The following KCNMA1 variants were observed in gnomAD, a reference collection of about 807,000 sequenced individuals.
KCNMA1 encodes the protein Calcium-activated potassium channel subunit alpha-1.
In KCNMA1, 29 loss-of-function variants were observed where a neutral mutation model predicts 140.0. That is an observed-to-expected ratio of 0.21 (90% CI 0.15 to 0.28). The LOEUF (loss-of-function observed/expected upper bound fraction) is 0.28, where lower values mean the gene tolerates loss of function less well. Ranked by LOEUF, KCNMA1 falls within the 10% of genes least tolerant of loss-of-function variation. The probability of loss-of-function intolerance (pLI) is 1.00; values close to 1 mark genes in which losing one functional copy is unlikely to be tolerated. For synonymous variants in KCNMA1, 612 were observed against 611.9 expected (o/e 1.00, Z 0.00); for missense variants, 880 against 1,602.2 (o/e 0.55, Z 7.70).
chr10:77,409,522 C>G (rs940623586), intron 1 of KCNMA1, among the ~76,000 whole-genome samples: 1 of 152,202 alleles, frequency 6.6e-6, no homozygotes, highest in Non-Finnish European at 1.5e-5. Flanking sequence ...GCTGCCCCAG[C>G]CTGGAACCTG....
chr10:77,223,131 A>G (rs1003523609), intron 3 of KCNMA1, among the ~76,000 whole-genome samples: 1 of 151,992 alleles, frequency 6.6e-6, no homozygotes, highest in African/African-American at 2.4e-5. Context: ...CGGGAGGCTG[A>G]GGCAGGAGAA....
rs1369080430 is a variant in KCNMA1, at chr10:77,108,765, A to G, written c.1132-193T>C. Among the ~76,000 whole-genome samples the G allele has an allele frequency of 1.3e-5, 2 of 152,196 alleles. No individual in the cohort carries two copies. Among genetic ancestry groups the G allele is most frequent in the Non-Finnish European group, 2.9e-5 (2 of 68,020 alleles). On this transcript the variant is annotated intron_variant, in intron 8 of 27. Transcript: ENST00000286628. This position sits in a 1 kb window ranked among gnomAD's most constrained non-coding sequence, Gnocchi z 4.6. The stretch of plus-strand genomic sequence containing the variant: ...GCTCCCAGAAATACACAAGACAAAC[A>G]AACATTGGCCACCTTGACAACTAAA...
At chr10:77,596,198 C>T (rs1052262298) in intron 1 of KCNMA1, among the ~76,000 whole-genome samples, 2 of 152,028 alleles carry the variant, frequency 1.3e-5, no homozygotes, top group South Asian at 2.1e-4. Flanking sequence ...CTCGAATTGC[C>T]GAAGAAGCAG....
rs530638648 is a variant in KCNMA1 at position 77,573,672 on chromosome 10, A to G, written c.378+63593T>C. ...AGAATAGAATAGAATAGAATAGAAT[A>G]GAATAGAATAGAATAGAATAGAATA... On this transcript the variant is annotated intron_variant, in intron 1 of 27. Coordinates refer to ENST00000286628, the MANE Select transcript of KCNMA1 (RefSeq NM_001161352.2). Among the ~76,000 whole-genome samples the G allele has an allele frequency of 4.5e-3, 594 of 131,242 alleles. 3 individuals carry two copies. The highest frequency in any genetic ancestry group is 6.4e-3 in the South Asian group (24 of 3,750). The allele number at this position is 131,242 out of a possible 152,430, so 86.1% of individuals were successfully genotyped here. A position where few individuals can be genotyped will look rare whatever the true frequency, so the allele number is the denominator to read the frequency against.
At chr10:76,922,133 C>T (rs2056071775) in intron 23 of KCNMA1, among the ~76,000 whole-genome samples, 1 of 152,206 alleles carries the variant, frequency 6.6e-6, no homozygotes, top group South Asian at 2.1e-4. Flanking sequence ...ACAGATAATT[C>T]TGTGACTCCT....
intron 1 of KCNMA1, among the ~76,000 whole-genome samples, chr10:77,448,133 G>T (rs561584492): frequency 6.6e-6 from 1 of 152,122 alleles, no homozygotes; most frequent in South Asian, 2.1e-4. Flanking sequence ...TCATAAAGGG[G>T]TGAAAAGACC....
At chr10:77,472,914 T>C (rs1045658540) in intron 1 of KCNMA1, among the ~76,000 whole-genome samples, 1 of 152,196 alleles carries the variant, frequency 6.6e-6, no homozygotes, top group Non-Finnish European at 1.5e-5. Flanking sequence ...TACTCTATGC[T>C]GTCTGACATT....
chr10:77,448,255 C>G (rs2154518078), intron 1 of KCNMA1, among the ~76,000 whole-genome samples: 1 of 152,322 alleles, frequency 6.6e-6, no homozygotes, highest in South Asian at 2.1e-4. Context: ...GGAGAGGTCA[C>G]AGCCTTGTGA....
intron 3 of KCNMA1, among the ~76,000 whole-genome samples, chr10:77,198,833 C>T (rs2041559038): frequency 6.6e-6 from 1 of 152,120 alleles, no homozygotes; most frequent in Non-Finnish European, 1.5e-5. Flanking sequence ...ATTCCTGCCT[C>T]CTAGTTCTGA....
At chr10:77,341,689 G>A (rs1315909433) in intron 2 of KCNMA1, among the ~76,000 whole-genome samples, 1 of 152,210 alleles carries the variant, frequency 6.6e-6, no homozygotes, top group Non-Finnish European at 1.5e-5. Flanking sequence ...GGCTGGTGAA[G>A]GGGGTAGTGA....
intron 5 of KCNMA1, among the ~76,000 whole-genome samples, chr10:77,164,526 T>C (rs1482068534): frequency 1.3e-5 from 2 of 152,054 alleles, no homozygotes; most frequent in Non-Finnish European, 2.9e-5. Context: ...ATCTTTCTTT[T>C]TTTTTTTTGG....
chr10:77,281,997 G>A (rs1334618932), intron 2 of KCNMA1, among the ~76,000 whole-genome samples: 1 of 152,148 alleles, frequency 6.6e-6, no homozygotes, highest in Non-Finnish European at 1.5e-5. Flanking sequence ...GGAGACCTCA[G>A]TTTGGGTTAA....
At chr10:77,506,570 CTAGAGA>C (rs1389171844) in intron 1 of KCNMA1, among the ~76,000 whole-genome samples, 1 of 63,628 alleles carries the variant, frequency 1.6e-5, no homozygotes, top group Non-Finnish European at 2.7e-5. Flanking sequence ...AGAGATGTTC[CTAGAGA>C]GAGAGAGAGA....
chr10:76,880,467 G>C (rs2034176762), downstream of KCNMA1, among the ~76,000 whole-genome samples: 1 of 152,040 alleles, frequency 6.6e-6, no homozygotes, highest in Non-Finnish European at 1.5e-5. Context: ...AGATATAAAT[G>C]TGTGTGTTTT....
chr10:77,104,065 G>A (rs1378520406), intron 9 of KCNMA1, among the ~76,000 whole-genome samples: 5 of 152,196 alleles, frequency 3.3e-5, no homozygotes, highest in Middle Eastern at 3.2e-3. Flanking sequence ...TACTAGCTGC[G>A]TGATGTCAGG....
At chr10:76,965,944 A>G (rs2073762308) in intron 20 of KCNMA1, among the ~76,000 whole-genome samples, 3 of 152,174 alleles carry the variant, frequency 2.0e-5, no homozygotes, top group Admixed American at 2.0e-4. Context: ...AGCTCTTTCT[A>G]TTCTCACAGC....
chr10:77,556,148 C>T (rs1042443193), intron 1 of KCNMA1, among the ~76,000 whole-genome samples: 3 of 152,188 alleles, frequency 2.0e-5, no homozygotes, highest in Non-Finnish European at 2.9e-5. Context: ...CCCAATCTCT[C>T]TGAGCCTGTG....
At chr10:77,141,136 T>C (rs2098159572) in intron 5 of KCNMA1, among the ~76,000 whole-genome samples, 1 of 152,138 alleles carries the variant, frequency 6.6e-6, no homozygotes, top group Non-Finnish European at 1.5e-5. Context: ...TAATCCTACA[T>C]ACAGGACTGA....
chr10:76,889,061 A>AAAAC (rs34228557), intron 27 of KCNMA1, among the ~76,000 whole-genome samples: 119,720 of 151,258 alleles, frequency 0.79, 47,834 homozygotes, highest in African/African-American at 0.87. Flanking sequence ...TCCATCTCAA[A>AAAAC]AAACAAACAA....
Sources: gnomAD v4.1 joint callset for allele counts (sites outside exome capture counted in the v4.1 genomes callset) on GRCh38, gnomAD v4.1.1 for gene constraint, Gnocchi (gnomAD v3.1) non-coding constraint, MANE v1.5 for transcripts, NCBI Gene and HGNC (gene_info 2026-07-23, HGNC 2026-07-21) for gene names.